LUZP2: variants seen among roughly 807,000 people sequenced by gnomAD.
The protein encoded by LUZP2 is leucine zipper protein 2.
Under a neutral mutation model 51.6 loss-of-function variants are expected in LUZP2, and 52 were observed. That is an observed-to-expected ratio of 1.01 (90% CI 0.81 to 1.27). The LOEUF is 1.27. Ranked by LOEUF, LUZP2 falls within the 50% of genes most tolerant of loss-of-function variation. The pLI, the probability that LUZP2 is intolerant of heterozygous loss-of-function variation, is 0.00. For missense variants in LUZP2, 436 were observed against 395.4 expected (o/e 1.10, Z -0.87); for synonymous variants, 154 against 137.3 (o/e 1.12, Z -0.85).
intron 5 of LUZP2, among the ~76,000 whole-genome samples, chr11:24,857,064 C>A (rs1011484473): frequency 5.3e-5 from 8 of 151,974 alleles, no homozygotes; most frequent in African/African-American, 1.7e-4. Context: ...AACAAACTGC[C>A]CTTGTACCTC....
intron 1 of LUZP2, among the ~76,000 whole-genome samples, chr11:24,618,439 T>C (rs1023794973): frequency 6.6e-6 from 1 of 152,096 alleles, no homozygotes; most frequent in Non-Finnish European, 1.5e-5. Flanking sequence ...TTGGCATGAG[T>C]TGGAGTGGAG....
At chr11:24,529,624 T>C (rs1850933147) in intron 1 of LUZP2, among the ~76,000 whole-genome samples, 1 of 151,082 alleles carries the variant, frequency 6.6e-6, no homozygotes, top group Non-Finnish European at 1.5e-5. Flanking sequence ...TAATATTAAA[T>C]TATAAGTAAA....
At chr11:25,020,845 T>G (rs1241607847) in intron 9 of LUZP2, among the ~76,000 whole-genome samples, 1 of 152,050 alleles carries the variant, frequency 6.6e-6, no homozygotes, top group African/African-American at 2.4e-5. Context: ...AACGTTGTAA[T>G]AGGCACATGA....
chr11:24,576,711 CT>C (rs1270460892), intron 1 of LUZP2, among the ~76,000 whole-genome samples: 1 of 151,718 alleles, frequency 6.6e-6, no homozygotes, highest in Non-Finnish European at 1.5e-5. Flanking sequence ...TAGTAATTTT[CT>C]TTTATAATGA....
intron 1 of LUZP2, among the ~76,000 whole-genome samples, chr11:24,551,486 A>G (rs1183260464): frequency 2.0e-5 from 3 of 152,042 alleles, no homozygotes; most frequent in African/African-American, 7.2e-5. Flanking sequence ...GGTTCCTTTT[A>G]GTGGTGTTGA....
At chr11:24,601,935 T>TATGTATAA (rs1853665149) in intron 1 of LUZP2, among the ~76,000 whole-genome samples, 2 of 116,512 alleles carry the variant, frequency 1.7e-5, no homozygotes, top group African/African-American at 6.4e-5. Flanking sequence ...TATATGTATA[T>TATGTATAA]ATGTATATAT....
At chr11:24,845,043 G>T (rs533240614) in intron 5 of LUZP2, among the ~76,000 whole-genome samples, 1 of 152,148 alleles carries the variant, frequency 6.6e-6, no homozygotes, top group Non-Finnish European at 1.5e-5. Context: ...GGAGCTGTGA[G>T]AGGAGGGCCA....
At position 24,888,412 on chromosome 11, in the gene LUZP2, GT is replaced by G. The variant is rs1215757644; in HGVS notation, c.397-17570del. 1.6e-4 allele frequency among the ~76,000 whole-genome samples: 24 copies of G among 151,352 alleles called. No individual in the cohort carries two copies. The East Asian group carries it at 1.9e-3, about 12-fold the overall frequency. On this transcript the variant is annotated intron_variant, in intron 5 of 11. Coordinates refer to ENST00000336930, the MANE Select transcript of LUZP2 (RefSeq NM_001009909.4). ...GATCATTTTGGTTTTACAGCCAAAA[GT>G]TTTTTTTTGGATTTGAGCTAATGTG...
At chr11:24,848,729 G>C (rs375222961) in intron 5 of LUZP2, among the ~76,000 whole-genome samples, 2 of 152,128 alleles carry the variant, frequency 1.3e-5, no homozygotes, top group African/African-American at 2.4e-5. Context: ...ACAATGGAAA[G>C]GGAATGAATG....
intron 5 of LUZP2, among the ~76,000 whole-genome samples, chr11:24,784,130 G>A (rs1211767797): frequency 6.6e-6 from 1 of 151,838 alleles, no homozygotes; most frequent in Non-Finnish European, 1.5e-5. Flanking sequence ...TAGCATAACT[G>A]TTATGTAAAC....
At chr11:24,788,827 A>G (rs1221713606) in intron 5 of LUZP2, among the ~76,000 whole-genome samples, 1 of 152,070 alleles carries the variant, frequency 6.6e-6, no homozygotes, top group South Asian at 2.1e-4. Context: ...TTGCTCCAGG[A>G]AAGTCTGTCT....
rs117668638 is a variant in LUZP2, at chr11:24,888,436, G to A, written c.397-17555G>A. 6.7e-3 allele frequency among the ~76,000 whole-genome samples: 1,013 copies of A among 152,110 alleles called. 15 individuals are homozygous for A. The highest frequency in any genetic ancestry group is 0.057 in the East Asian group (294 of 5,168). On this transcript the variant is annotated intron_variant, in intron 5 of 11. Transcript: ENST00000336930. ...AGTTTTTTTTTGGATTTGAGCTAAT[G>A]TGTAAGCCATATTGCAAATATGATA...
chr11:24,567,843 T>C (rs1421901653), intron 1 of LUZP2, among the ~76,000 whole-genome samples: 3 of 152,036 alleles, frequency 2.0e-5, no homozygotes, highest in Non-Finnish European at 2.9e-5. Context: ...CTAAAGGAAG[T>C]TCCTCAGCAT....
At chr11:24,951,570 C>T (rs951793607) in intron 7 of LUZP2, among the ~76,000 whole-genome samples, 3 of 151,348 alleles carry the variant, frequency 2.0e-5, no homozygotes, top group Non-Finnish European at 3.0e-5. Context: ...GTTTGTGCTT[C>T]GGAGCCAATT....
chr11:24,878,749 G>A (rs568855967), intron 5 of LUZP2, among the ~76,000 whole-genome samples: 12 of 151,524 alleles, frequency 7.9e-5, no homozygotes, highest in Non-Finnish European at 1.3e-4. Flanking sequence ...TTATTGACCC[G>A]TCCTCTATGT....
At chr11:24,650,508 T>C (rs2133961752) in intron 1 of LUZP2, among the ~76,000 whole-genome samples, 1 of 152,042 alleles carries the variant, frequency 6.6e-6, no homozygotes, top group South Asian at 2.1e-4. Context: ...ATAACAGTAA[T>C]TGGAAGGAGA....
chr11:25,060,486 G>A (rs529328896), intron 10 of LUZP2, among the ~76,000 whole-genome samples: 2 of 152,168 alleles, frequency 1.3e-5, no homozygotes, highest in African/African-American at 2.4e-5. Flanking sequence ...TAAATTTTGC[G>A]GGGACATAAA....
rs1352200505 is a variant in LUZP2, at chr11:25,050,124, T to C, written c.852T>C (p.Ser284=). Residue 284 remains serine, a synonymous_variant, in exon 10 of 12, where the codon TCT becomes TCC. Transcript: ENST00000336930. ...ATCCAAGTACCACTGCCTGTGACTCTCAAGATGTAAGAAAAACTTAAGATG... is the reference window on the plus strand; with the variant it reads ...ATCCAAGTACCACTGCCTGTGACTCCCAAGATGTAAGAAAAACTTAAGATG... ...EGNPSTTACD[S]QDEGRPCSMK... 8 of 1,588,970 alleles carry C rather than the reference T, an allele frequency of 5.0e-6. No homozygotes were observed. Among genetic ancestry groups the C allele is most frequent in the Non-Finnish European group, 6.9e-6 (8 of 1,165,780 alleles).
intron 1 of LUZP2, among the ~76,000 whole-genome samples, chr11:24,512,939 T>G (rs1215296816): frequency 1.3e-5 from 2 of 152,022 alleles, no homozygotes; most frequent in African/African-American, 4.8e-5. Flanking sequence ...TGTACTTTTA[T>G]TAGAGACTGG....
Sources: gnomAD v4.1 joint callset for allele counts (sites outside exome capture counted in the v4.1 genomes callset) on GRCh38, gnomAD v4.1.1 for gene constraint, MANE v1.5 for transcripts, NCBI Gene and HGNC (gene_info 2026-07-23, HGNC 2026-07-21) for gene names.